Variants in WWOX observed in about 807,000 individuals in gnomAD.
WWOX encodes the protein WW domain containing oxidoreductase, also known as WW domain-containing oxidoreductase.
In WWOX, 69 loss-of-function variants were observed where a neutral mutation model predicts 46.2. That is an observed-to-expected ratio of 1.49 (90% CI 1.23 to 1.82). The LOEUF is 1.82. WWOX is among the 40% of genes most tolerant of loss of function. The pLI, the probability that WWOX is intolerant of heterozygous loss-of-function variation, is 0.00. For synonymous variants in WWOX, 359 were observed against 202.6 expected (o/e 1.77, Z -6.56); for missense variants, 919 against 542.6 (o/e 1.69, Z -6.89).
intron 8 of WWOX, among the ~76,000 whole-genome samples, chr16:78,788,747 C>G (rs1169243735): frequency 1.3e-5 from 2 of 152,200 alleles, no homozygotes; most frequent in East Asian, 3.9e-4. Flanking sequence ...GTTATGGGAA[C>G]TTCCACCTGA....
At chr16:78,546,951 A>G (rs975140458) in intron 8 of WWOX, among the ~76,000 whole-genome samples, 13 of 151,526 alleles carry the variant, frequency 8.6e-5, no homozygotes, top group African/African-American at 2.9e-4. Context: ...ACATGGTGAA[A>G]CCCTACCTCT....
chr16:78,122,387 TCATA>T (rs1208108354), intron 4 of WWOX, among the ~76,000 whole-genome samples: 2 of 152,050 alleles, frequency 1.3e-5, no homozygotes, highest in Non-Finnish European at 2.9e-5. Flanking sequence ...CAAATGAGAG[TCATA>T]CAAACTATTG....
chr16:78,888,892 C>G (rs1048983245), intron 8 of WWOX, among the ~76,000 whole-genome samples: 1 of 152,068 alleles, frequency 6.6e-6, no homozygotes, highest in Non-Finnish European at 1.5e-5. Flanking sequence ...TCTAATTTCT[C>G]TTCCATTCCT....
chr16:78,211,702 C>T (rs1382440054), intron 5 of WWOX, among the ~76,000 whole-genome samples: 1 of 152,162 alleles, frequency 6.6e-6, no homozygotes, highest in Non-Finnish European at 1.5e-5. Context: ...AGGAAGAGTT[C>T]AGGGTGAGAA....
At chr16:78,799,070 C>G (rs79069553) in intron 8 of WWOX, among the ~76,000 whole-genome samples, 3 of 152,162 alleles carry the variant, frequency 2.0e-5, no homozygotes, top group Non-Finnish European at 4.4e-5. Flanking sequence ...CTTGTCAATC[C>G]ATTTTGTCAC....
At chr16:78,713,812 C>A (rs1215866965) in intron 8 of WWOX, among the ~76,000 whole-genome samples, 2 of 152,142 alleles carry the variant, frequency 1.3e-5, no homozygotes, top group African/African-American at 4.8e-5. Flanking sequence ...CTTATGGCAA[C>A]CCCTGTAGAT....
At chr16:78,378,021 G>T (rs896910281) in intron 5 of WWOX, among the ~76,000 whole-genome samples, 3 of 152,010 alleles carry the variant, frequency 2.0e-5, no homozygotes, top group Non-Finnish European at 4.4e-5. Context: ...CCTGATGGAG[G>T]GCCCTGGAGT....
chr16:78,430,600 A>G (rs75749399), intron 7 of WWOX, among the ~76,000 whole-genome samples: 6,811 of 152,180 alleles, frequency 0.045, 491 homozygotes, highest in African/African-American at 0.16. Context: ...AGGCCGTCAT[A>G]TATTTTCAAA....
At chr16:78,147,686 T>TTTTTTG (rs1567598400) in intron 4 of WWOX, among the ~76,000 whole-genome samples, 15 of 125,722 alleles carry the variant, frequency 1.2e-4, no homozygotes, top group Non-Finnish European at 2.2e-4. Flanking sequence ...TTTTTTTTTT[T>TTTTTTG]TTTTTTTTTT....
chr16:78,394,795 C>A (rs1289925838), intron 6 of WWOX, among the ~76,000 whole-genome samples: 1 of 152,170 alleles, frequency 6.6e-6, no homozygotes, highest in Non-Finnish European at 1.5e-5. Flanking sequence ...GCCAGATTGG[C>A]CAGGGGCCAT....
At chr16:78,488,044 C>G (rs570663136) in intron 8 of WWOX, among the ~76,000 whole-genome samples, 3 of 152,180 alleles carry the variant, frequency 2.0e-5, no homozygotes, top group Non-Finnish European at 4.4e-5. Flanking sequence ...CCTCTTCTCT[C>G]TCAGGCTGTT....
intron 8 of WWOX, among the ~76,000 whole-genome samples, chr16:78,964,406 A>G (rs1451311392): frequency 6.6e-6 from 1 of 152,292 alleles, no homozygotes; most frequent in East Asian, 1.9e-4. Flanking sequence ...GTTTTAACAA[A>G]GAGACTGGCA....
intron 8 of WWOX, among the ~76,000 whole-genome samples, chr16:78,593,490 A>G (rs2045399550): frequency 6.6e-6 from 1 of 152,182 alleles, no homozygotes; most frequent in Non-Finnish European, 1.5e-5. Flanking sequence ...TACCAGCCAG[A>G]GGTGGGCACA....
chr16:78,656,160 C>G (rs1253560857), intron 8 of WWOX, among the ~76,000 whole-genome samples: 39 of 152,220 alleles, frequency 2.6e-4, no homozygotes, highest in Non-Finnish European at 1.5e-5. Flanking sequence ...TGTTGTTTCT[C>G]ATAACATTTG....
At chr16:78,898,829 A>G (rs752158742) in intron 8 of WWOX, 29 of 152,086 alleles carry the variant, frequency 1.9e-4, no homozygotes, top group Non-Finnish European at 3.7e-4. Context: ...GAGGTCTTAT[A>G]CTTTTTTGTT....
intron 8 of WWOX, among the ~76,000 whole-genome samples, chr16:78,673,479 A>G (rs918230498): frequency 3.9e-5 from 6 of 152,152 alleles, no homozygotes; most frequent in South Asian, 4.1e-4. Flanking sequence ...CCTCTAAAAC[A>G]GGGCTTCCAG....
intron 8 of WWOX, among the ~76,000 whole-genome samples, chr16:78,855,452 C>G (rs373739952): frequency 1.3e-5 from 2 of 152,152 alleles, no homozygotes; most frequent in Non-Finnish European, 2.9e-5. Context: ...CTGAAAGGCA[C>G]CACCTATCTT....
intron 5 of WWOX, among the ~76,000 whole-genome samples, chr16:78,369,964 C>G (rs2081631099): frequency 6.6e-6 from 1 of 151,870 alleles, no homozygotes; most frequent in African/African-American, 2.4e-5. Flanking sequence ...GAAACCCCAT[C>G]TCTACTAAAA....
intron 8 of WWOX, among the ~76,000 whole-genome samples, chr16:78,982,429 T>C (rs62036034): frequency 0.021 from 3,252 of 152,312 alleles, 56 homozygotes; most frequent in Non-Finnish European, 0.032. Flanking sequence ...ACCAATTAAA[T>C]AGTGAAATGT....
Sources: gnomAD v4.1 joint callset for allele counts (sites outside exome capture counted in the v4.1 genomes callset) on GRCh38, gnomAD v4.1.1 for gene constraint, MANE v1.5 for transcripts, NCBI Gene and HGNC (gene_info 2026-07-23, HGNC 2026-07-21) for gene names.